The following TRIM22 variants were observed in gnomAD, a reference collection of about 807,000 sequenced individuals.
TRIM22 encodes E3 ubiquitin-protein ligase TRIM22.
A neutral mutation model predicts 53.6 loss-of-function variants in TRIM22; 45 were observed. That is an observed-to-expected ratio of 0.84 (90% CI 0.66 to 1.08). The LOEUF (loss-of-function observed/expected upper bound fraction) is 1.08, where lower values mean the gene tolerates loss of function less well. Among genes scored for constraint, TRIM22 ranks in the 50% least tolerant of loss-of-function variants. The probability of loss-of-function intolerance (pLI) is 0.00; values close to 1 mark genes in which losing one functional copy is unlikely to be tolerated. For missense variants in TRIM22, 616 were observed against 590.9 expected (o/e 1.04, Z -0.44); for synonymous variants, 225 against 216.6 (o/e 1.04, Z -0.34).
chr11:5,707,040 C>T (rs185683225), intron 5 of TRIM22, among the ~76,000 whole-genome samples: 1 of 152,142 alleles, frequency 6.6e-6, no homozygotes, highest in East Asian at 1.9e-4. Context: ...CTAGGTGGTG[C>T]TTTTTAGATT....
intron 3 of TRIM22, chr11:5,698,072 CA>C: frequency 2.2e-6 from 1 of 447,106 alleles, no homozygotes; most frequent in South Asian, 2.4e-5. Context: ...AAGCCTCACC[CA>C]GGCATCACAT....
chr11:5,700,249 G>A (rs1012938154), intron 4 of TRIM22, among the ~76,000 whole-genome samples: 2 of 151,294 alleles, frequency 1.3e-5, no homozygotes, highest in Non-Finnish European at 3.0e-5. Flanking sequence ...CAGCCTCCCA[G>A]GACTAGCGCA....
chr11:5,708,547 A>G (rs1210087905), intron 6 of TRIM22, 30 bp from the exon 7 acceptor site: 8 of 1,595,178 alleles, frequency 5.0e-6, no homozygotes, highest in Non-Finnish European at 6.8e-6. Flanking sequence ...TTTGCTTCTA[A>G]CAACATCACT....
Position 5,691,424 on chromosome 11 carries a change from C to G in TRIM22, c.-67+1525C>G, listed in dbSNP as rs145842658. Among the ~76,000 whole-genome samples, 1,292 of 152,284 alleles carry G rather than the reference C, an allele frequency of 8.5e-3. 20 individuals are homozygous for G. The highest frequency in any genetic ancestry group is 0.03 in the African/African-American group (1,228 of 41,538). ...TGCTTTTCTATACAATGTCTGGAATCTATAGATAACAAACCAATTAGGTCA... is the reference window on the plus strand; with the variant it reads ...TGCTTTTCTATACAATGTCTGGAATGTATAGATAACAAACCAATTAGGTCA... On this transcript the variant is annotated intron_variant, in intron 1 of 7. Coordinates refer to ENST00000379965, the MANE Select transcript of TRIM22 (RefSeq NM_006074.5).
intron 4 of TRIM22, among the ~76,000 whole-genome samples, chr11:5,704,981 G>A (rs1358500603): frequency 6.6e-6 from 1 of 152,088 alleles, no homozygotes; most frequent in Non-Finnish European, 1.5e-5. Context: ...GACCATAGAG[G>A]ACAATATTTG....
chr11:5,697,374 A>G (rs773217733), intron 3 of TRIM22, 31 bp downstream of exon 3: 6 of 1,554,228 alleles, frequency 3.9e-6, no homozygotes, highest in Non-Finnish European at 4.4e-6. Context: ...AGGGATAATT[A>G]GACAGGAATC....
chr11:5,698,510 C>G lies in TRIM22; in HGVS notation c.715C>G (p.Arg239Gly). The change falls in exon 4 of 8, where the codon CGG becomes GGG. Residue 239 changes from arginine (R) to glycine (G), a missense_variant. Coordinates refer to ENST00000379965, the MANE Select transcript of TRIM22 (RefSeq NM_006074.5). ...CAGCACGCTCATCTCAGATCTCCAG[C>G]GGAGGTTGAGGGGATCGTCAGTAGA... ...DASTLISDLQ[R>G]RLRGSSVEML... is the part of the protein sequence containing the mutation. 1 of 1,613,828 alleles carries G rather than the reference C, an allele frequency of 6.2e-7. No homozygotes were observed. The highest frequency in any genetic ancestry group is 8.5e-7 in the Non-Finnish European group (1 of 1,179,832).
At chr11:5,693,237 T>C (rs1177197945) in intron 1 of TRIM22, among the ~76,000 whole-genome samples, 7 of 146,836 alleles carry the variant, frequency 4.8e-5, no homozygotes, top group Non-Finnish European at 1.0e-4. Flanking sequence ...TAAAGAAAGC[T>C]TCTGTGCAGG....
intron 5 of TRIM22, among the ~76,000 whole-genome samples, chr11:5,707,230 TA>T (rs1472677316): frequency 6.6e-6 from 1 of 152,204 alleles, no homozygotes; most frequent in East Asian, 1.9e-4. Context: ...AGACCACTAT[TA>T]ATTAATTTAG....
At chr11:5,693,671 G>C (rs551062708) in intron 1 of TRIM22, among the ~76,000 whole-genome samples, 1 of 132,046 alleles carries the variant, frequency 7.6e-6, no homozygotes, top group African/African-American at 2.9e-5. Flanking sequence ...GCAAGGAGCC[G>C]AGATCGCACC....
At chr11:5,693,721 C>CAAAAAAAAAAAAAAAAAAAAAAAAAAAA (rs60530986) in intron 1 of TRIM22, among the ~76,000 whole-genome samples, 1 of 87,440 alleles carries the variant, frequency 1.1e-5, no homozygotes, top group Non-Finnish European at 2.1e-5. Flanking sequence ...GACTCCGTCT[C>CAAAAAAAAAAAAAAAAAAAAAAAAAAAA]AAAAAAAAAA....
Position 5,709,547 on chromosome 11 carries a change from A to G in TRIM22, c.1396A>G (p.Ile466Val). Residue 466 changes from isoleucine (I) to valine (V), a missense_variant, in exon 8 of 8, where the codon ATC becomes GTC. By Grantham distance (29) the Ile-to-Val change is conservative (BLOSUM62 3). Coordinates refer to ENST00000379965, the MANE Select transcript of TRIM22 (RefSeq NM_006074.5). ...CAATGTCACAAACCACGGAGCACTC[A>G]TCTACAAGTTCTCTGGATGTCGCTT... The part of the protein sequence containing the change: ...FFNVTNHGAL[I>V]YKFSGCRFSR... 6.2e-7 allele frequency: 1 copy of G among 1,614,012 alleles called. No individual in the cohort carries two copies. The highest frequency in any genetic ancestry group is 1.3e-5 in the African/African-American group (1 of 74,984).
At chr11:5,699,310 G>C (rs1463315525) in intron 4 of TRIM22, among the ~76,000 whole-genome samples, 1 of 127,990 alleles carries the variant, frequency 7.8e-6, no homozygotes, top group Non-Finnish European at 1.6e-5. Context: ...GGATCATGAG[G>C]TCAGGAGATC....
intron 7 of TRIM22, 148 bp downstream of exon 7, chr11:5,708,751 T>A (rs1853506228): frequency 5.1e-6 from 4 of 791,732 alleles, no homozygotes; most frequent in Non-Finnish European, 7.5e-6. Flanking sequence ...ATTTTTGCTA[T>A]TGTTGCCCAG....
chr11:5,698,709 G>C (rs1333902680), intron 4 of TRIM22, among the ~76,000 whole-genome samples, 164 bp downstream of exon 4: 2 of 152,180 alleles, frequency 1.3e-5, no homozygotes, highest in African/African-American at 2.4e-5. Context: ...GGGTCACAGA[G>C]ATCATTAAGT....
intron 1 of TRIM22, among the ~76,000 whole-genome samples, chr11:5,694,223 T>C (rs2134172129): frequency 6.6e-6 from 1 of 152,370 alleles, no homozygotes; most frequent in East Asian, 1.9e-4. Flanking sequence ...CTACATATTC[T>C]CAATGTACTT....
chr11:5,690,353 C>CT (rs1853153266), intron 1 of TRIM22, among the ~76,000 whole-genome samples: 1 of 152,200 alleles, frequency 6.6e-6, no homozygotes, highest in Admixed American at 6.5e-5. Context: ...CCCCTTTGCC[C>CT]TTTCCCCATT....
intron 1 of TRIM22, among the ~76,000 whole-genome samples, chr11:5,694,806 G>GGT (rs1008942421): frequency 2.0e-5 from 3 of 151,928 alleles, no homozygotes; most frequent in African/African-American, 4.8e-5. Context: ...GTGGTGTGTG[G>GGT]GTGTGTGTGT....
intron 4 of TRIM22, among the ~76,000 whole-genome samples, chr11:5,701,187 G>A (rs549949630): frequency 6.6e-6 from 1 of 151,974 alleles, no homozygotes; most frequent in South Asian, 2.1e-4. Context: ...TCTTTACTTG[G>A]CTCTGGATTA....
Sources: allele counts gnomAD v4.1 joint callset (sites outside exome capture counted in the v4.1 genomes callset), GRCh38; gene constraint gnomAD v4.1.1; transcripts MANE v1.5; gene names NCBI Gene and HGNC (gene_info 2026-07-23, HGNC 2026-07-21).